Variants in ME3 observed in about 807,000 individuals in gnomAD.
ME3 encodes the protein NADP-dependent malic enzyme, mitochondrial.
Under a neutral mutation model 68.9 loss-of-function variants are expected in ME3, and 48 were observed. That is an observed-to-expected ratio of 0.70 (90% confidence interval 0.55 to 0.89). ME3 has a LOEUF of 0.89. ME3 is among the 40% of genes least tolerant of loss of function. The probability of loss-of-function intolerance (pLI) is 0.00; values close to 1 mark genes in which losing one functional copy is unlikely to be tolerated. For synonymous variants in ME3, 320 were observed against 318.8 expected, an observed-to-expected ratio of 1.00 and a Z score of -0.04; for missense variants, 675 against 797.4, an observed-to-expected ratio of 0.85 and a Z score of 1.85.
chr11:86,468,062 C>T (rs1313986585), intron 7 of ME3, among the ~76,000 whole-genome samples: 1 of 152,110 alleles, frequency 6.6e-6, no homozygotes, highest in Non-Finnish European at 1.5e-5. Flanking sequence ...AGGAACTACT[C>T]CTACTCTAGG....
At chr11:86,545,555 C>G (rs969142314) in intron 4 of ME3, among the ~76,000 whole-genome samples, 1 of 152,098 alleles carries the variant, frequency 6.6e-6, no homozygotes, top group Non-Finnish European at 1.5e-5. Flanking sequence ...GAGTGAGCTC[C>G]CATTCATAAT....
intron 2 of ME3, among the ~76,000 whole-genome samples, chr11:86,615,012 G>A (rs75125330): frequency 0.038 from 5,700 of 149,128 alleles, 132 homozygotes; most frequent in Non-Finnish European, 0.055. Context: ...ACATTCTGGC[G>A]GAACCAAATC....
intron 8 of ME3, among the ~76,000 whole-genome samples, chr11:86,463,895 G>C (rs1355678190): frequency 1.3e-5 from 2 of 152,162 alleles, no homozygotes; most frequent in African/African-American, 2.4e-5. Flanking sequence ...ATGCTTAATG[G>C]CTATAAAAGT....
chr11:86,655,733 A>C (rs11234729), intron 2 of ME3, among the ~76,000 whole-genome samples: 117,293 of 150,288 alleles, frequency 0.78, 46,891 homozygotes, highest in Non-Finnish European at 0.88. Flanking sequence ...GCAACAAAAG[A>C]CAAAATTGAC....
intron 4 of ME3, among the ~76,000 whole-genome samples, chr11:86,538,495 A>G (rs1282757679): frequency 1.3e-5 from 2 of 152,148 alleles, no homozygotes; most frequent in Non-Finnish European, 2.9e-5. Flanking sequence ...GCCCAAGCTC[A>G]ACTTCCCACA....
intron 7 of ME3, among the ~76,000 whole-genome samples, chr11:86,486,407 A>G (rs115414390): frequency 1.3e-5 from 2 of 152,246 alleles, no homozygotes; most frequent in African/African-American, 2.4e-5. Context: ...CACATATCTG[A>G]AAAGTGGAGG....
intron 7 of ME3, among the ~76,000 whole-genome samples, chr11:86,481,661 TG>T (rs892325965): frequency 4.6e-5 from 7 of 152,188 alleles, no homozygotes; most frequent in African/African-American, 1.2e-4. Context: ...CAGCTTCATG[TG>T]GACTAAAATA....
intron 1 of ME3, 142 bp from the exon 2 acceptor site, chr11:86,672,100 C>A: frequency 2.9e-6 from 2 of 683,768 alleles, no homozygotes; most frequent in Non-Finnish European, 4.3e-6. Flanking sequence ...TTCCAGCCCC[C>A]GCCACTCCTC....
downstream of ME3, among the ~76,000 whole-genome samples, chr11:86,439,080 T>G (rs1948912348): frequency 6.6e-6 from 1 of 152,214 alleles, no homozygotes. Context: ...TATTCAGGCC[T>G]TCAACTAATT....
intron 4 of ME3, among the ~76,000 whole-genome samples, chr11:86,539,126 A>T (rs1367548942): frequency 6.6e-6 from 1 of 152,258 alleles, no homozygotes; most frequent in East Asian, 1.9e-4. Flanking sequence ...TGGGGTTGTT[A>T]ATAAGGAGGA....
Position 86,617,556 on chromosome 11 carries a change from CA to C in ME3, c.183+54205del, listed in dbSNP as rs767011603. ...ATTTTGAAGAGACTCTACATTTTAG[CA>C]CTGATTGCCCAAAATAACCAACTTA... On this transcript the variant is annotated intron_variant, in intron 2 of 14. Transcript: ENST00000543262. Among the ~76,000 whole-genome samples the C allele has an allele frequency of 5.3e-5, 8 of 152,258 alleles. No individual in the cohort carries two copies. The East Asian group carries it at 1.2e-3, about 22-fold the overall frequency.
intron 4 of ME3, among the ~76,000 whole-genome samples, chr11:86,531,720 A>G (rs1955247116): frequency 6.6e-6 from 1 of 151,652 alleles, no homozygotes; most frequent in South Asian, 2.1e-4. Flanking sequence ...GAAGCTGGAA[A>G]CCATCATTCT....
intron 6 of ME3, among the ~76,000 whole-genome samples, chr11:86,495,014 T>A (rs1952232534): frequency 6.6e-6 from 1 of 152,252 alleles, no homozygotes; most frequent in Admixed American, 6.5e-5. Context: ...CTTTAAAATT[T>A]TGAATAATGT....
At chr11:86,524,801 A>G (rs1368825749) in intron 4 of ME3, among the ~76,000 whole-genome samples, 1 of 152,222 alleles carries the variant, frequency 6.6e-6, no homozygotes, top group Non-Finnish European at 1.5e-5. Flanking sequence ...TGTAAGAGAC[A>G]GCTAAGTGCC....
chr11:86,598,667 C>T (rs534098135), intron 2 of ME3, among the ~76,000 whole-genome samples: 6 of 152,262 alleles, frequency 3.9e-5, no homozygotes, highest in East Asian at 3.9e-4. Context: ...TCTCTGACCC[C>T]GACCCCCAAG....
exon 5 of ME3, chr11:86,508,848 G>T: frequency 6.2e-7 from 1 of 1,613,364 alleles, no homozygotes; most frequent in Non-Finnish European, 8.5e-7. Context: ...CCTTTGTCAT[G>T]AATGGTGATG....
At chr11:86,483,587 TA>T (rs549401171) in intron 7 of ME3, among the ~76,000 whole-genome samples, 7 of 150,542 alleles carry the variant, frequency 4.6e-5, no homozygotes, top group African/African-American at 1.2e-4. Flanking sequence ...ATGGAGAGAC[TA>T]AAAAAAAAAT....
At chr11:86,640,981 T>G (rs1944631998) in intron 2 of ME3, among the ~76,000 whole-genome samples, 1 of 149,608 alleles carries the variant, frequency 6.7e-6, no homozygotes, top group Admixed American at 6.7e-5. Context: ...AATATCATCA[T>G]GTTCAACAAC....
intron 7 of ME3, among the ~76,000 whole-genome samples, chr11:86,466,302 T>G (rs1408511709): frequency 1.3e-5 from 2 of 152,228 alleles, no homozygotes; most frequent in Non-Finnish European, 2.9e-5. Flanking sequence ...TATTAAAAAC[T>G]ACTTAATACA....
Sources: gnomAD v4.1 joint callset for allele counts (sites outside exome capture counted in the v4.1 genomes callset) on GRCh38, gnomAD v4.1.1 for gene constraint, MANE v1.5 for transcripts, NCBI Gene and HGNC (gene_info 2026-07-23, HGNC 2026-07-21) for gene names.